Variants in FGR observed in about 807,000 individuals in gnomAD.
FGR encodes the protein tyrosine-protein kinase Fgr.
In FGR, 26 loss-of-function variants were observed where a neutral mutation model predicts 63.2. The ratio of observed to expected loss-of-function variants is 0.41; its 90% CI spans 0.30 to 0.57. FGR has a LOEUF of 0.57. Ranked by LOEUF, FGR falls within the 20% of genes least tolerant of loss-of-function variation. FGR has a pLI of 0.27. For missense variants in FGR, 511 were observed against 690.8 expected, an observed-to-expected ratio of 0.74 and a Z score of 2.92; for synonymous variants, 286 against 277.7, an observed-to-expected ratio of 1.03 and a Z score of -0.30.
rs1027470613 is a variant in FGR at position 27,629,074 on chromosome 1, AAGAG to A, written c.-76-3927_-76-3924del. Among the ~76,000 whole-genome samples the A allele has an allele frequency of 9.2e-5, 14 of 152,134 alleles. 1 individual carries two copies. Among genetic ancestry groups the A allele is most frequent in the South Asian group, 4.2e-4 (2 of 4,814 alleles). ...GACAGAAAAAGGAGAGGCAGAAAGA[AAGAG>A]AGAGAGAGGCAGAGTTTGAGAGATA... On this transcript the variant is annotated intron_variant, in intron 1 of 12. Coordinates refer to ENST00000374005, the MANE Select transcript of FGR (RefSeq NM_005248.3).
At chr1:27,614,655 G>A in intron 10 of FGR, 72 bp from the exon 11 acceptor site, 1 of 1,557,390 alleles carries the variant, frequency 6.4e-7, no homozygotes. Flanking sequence ...TGAGGGGTGA[G>A]GGACCATTTG....
intron 1 of FGR, among the ~76,000 whole-genome samples, chr1:27,632,119 G>GTTC (rs528582306): frequency 4.5e-4 from 66 of 147,262 alleles, no homozygotes; most frequent in Admixed American, 7.4e-4. Flanking sequence ...TTCTTTCTTT[G>GTTC]TTCTTCTTCT....
intron 11 of FGR, 146 bp downstream of exon 11, chr1:27,614,284 T>G: frequency 1.1e-6 from 1 of 942,368 alleles, no homozygotes; most frequent in Non-Finnish European, 1.5e-6. Context: ...CGACCTGGGA[T>G]TTGAGCCCAG....
rs767254922 is a variant in FGR, at chr1:27,621,664, G to A, written c.330-7C>T. On this transcript the variant is annotated splice_region_variant and splice_polypyrimidine_tract_variant and intron_variant, in intron 4 of 12. Coordinates refer to ENST00000374005, the MANE Select transcript of FGR (RefSeq NM_005248.3). Reference sequence around the variant, plus strand: ...CTCCCACCAGTCACCTTCACTGTAGGCACAGAACAGGGCATGGTCAGCAGC... The same window carrying A: ...CTCCCACCAGTCACCTTCACTGTAGACACAGAACAGGGCATGGTCAGCAGC... 9.9e-5 allele frequency: 160 copies of A among 1,609,402 alleles called. No individual in the cohort carries two copies. The highest frequency in any genetic ancestry group is 1.3e-4 in the Non-Finnish European group (156 of 1,175,922).
chr1:27,616,591 T>TC lies in FGR; in HGVS notation c.682+265dup, dbSNP rs901907082. Among the ~76,000 whole-genome samples the TC allele has an allele frequency of 6.6e-6, 1 of 152,164 alleles. No individual in the cohort carries two copies. Among genetic ancestry groups the TC allele is most frequent in the African/African-American group, 2.4e-5 (1 of 41,430 alleles). ...TGGGGCATTCAGGCGGCACAAACAC[T>TC]CCATCAAGTTTCCACAAATTGAGGC... On this transcript the variant is annotated intron_variant, in intron 7 of 12. Coordinates refer to ENST00000374005, the MANE Select transcript of FGR (RefSeq NM_005248.3). This position sits in a 1 kb window ranked among gnomAD's most constrained non-coding sequence, Gnocchi z 4.3.
intron 1 of FGR, among the ~76,000 whole-genome samples, chr1:27,625,398 A>T (rs932310689): frequency 1.3e-5 from 2 of 152,086 alleles, no homozygotes; most frequent in Non-Finnish European, 1.5e-5. Flanking sequence ...GTCACACAAT[A>T]ACACTCACAG....
At chr1:27,614,398 G>A in intron 11 of FGR, 32 bp downstream of exon 11, 1 of 1,600,304 alleles carries the variant, frequency 6.2e-7, no homozygotes, top group Non-Finnish European at 8.5e-7. Flanking sequence ...GTTGCATGGG[G>A]AGCTCTTGGA....
intron 1 of FGR, among the ~76,000 whole-genome samples, chr1:27,630,441 G>A (rs937106022): frequency 4.6e-5 from 7 of 151,998 alleles, no homozygotes; most frequent in Admixed American, 1.3e-4. Flanking sequence ...CTTCCAATGC[G>A]GCCCAGGGAA....
chr1:27,631,130 C>G (rs1391657353), intron 1 of FGR, among the ~76,000 whole-genome samples: 2 of 152,228 alleles, frequency 1.3e-5, no homozygotes, highest in Non-Finnish European at 2.9e-5. Context: ...CAGGATCACA[C>G]AGCCAGACAA....
Position 27,612,867 on chromosome 1 carries a change from G to A in FGR, c.*47C>T. On this transcript the variant is annotated 3_prime_UTR_variant, in exon 13 of 13. Coordinates refer to ENST00000374005, the MANE Select transcript of FGR (RefSeq NM_005248.3). The stretch of plus-strand genomic sequence containing the variant: ...CTTTGGAAGAACAGCTCTGGGGATT[G>A]GCAAGGACTGGTGGCCACCGCCAGA... 6.4e-7 allele frequency: 1 copy of A among 1,555,842 alleles called. No homozygotes were observed. The highest frequency in any genetic ancestry group is 1.4e-5 in the African/African-American group (1 of 74,006).
At position 27,612,997 on chromosome 1, in the gene FGR, G is replaced by T. The variant is rs200096273; in HGVS notation, c.1507C>A (p.Pro503Thr). The T allele has an allele frequency of 6.2e-7, 1 of 1,614,228 alleles. No individual in the cohort carries two copies. The highest frequency in any genetic ancestry group is 8.5e-7 in the Non-Finnish European group (1 of 1,180,036). ...AAGGACTGCAGGTACTCGAAGGTAG[G>T]CCTCTCCTCCGGGTCCAGACGCCAG... ...QTWRLDPEERPTFEYLQSFLE... is the reference protein window; with the variant it reads ...QTWRLDPEERTTFEYLQSFLE... The change falls in exon 13 of 13, where the codon CCT becomes ACT. Residue 503 changes from proline to threonine, a missense_variant. Coordinates refer to ENST00000374005, the MANE Select transcript of FGR (RefSeq NM_005248.3).
intron 1 of FGR, among the ~76,000 whole-genome samples, chr1:27,625,389 T>A (rs774143949): frequency 1.3e-5 from 2 of 152,068 alleles, no homozygotes; most frequent in Non-Finnish European, 2.9e-5. Context: ...ACCAGCACAG[T>A]CACACAATAA....
Position 27,615,911 on chromosome 1 carries a change from T to C in FGR, c.683-67A>G, listed in dbSNP as rs985572371. The C allele has an allele frequency of 2.1e-6, 3 of 1,455,036 alleles. No homozygotes were observed. The highest frequency in any genetic ancestry group is 2.8e-5 in the South Asian group (2 of 72,342). 90.1% of individuals were successfully genotyped at this position (1,455,036 alleles called of 1,614,324 possible). ...ACACCCCCCTCCACTCCTTATCCTA[T>C]CCCAGCCTGGTGCCAGACCCTAAGA... On this transcript the variant is annotated intron_variant, in intron 7 of 12. Transcript: ENST00000374005. The surrounding 1 kb of genome is among the most constrained non-coding windows in gnomAD (Gnocchi z 7.6).
chr1:27,626,818 G>A (rs1444075656), intron 1 of FGR, among the ~76,000 whole-genome samples: 3 of 152,066 alleles, frequency 2.0e-5, no homozygotes, highest in Non-Finnish European at 4.4e-5. Flanking sequence ...AGCCATCCAG[G>A]GCCCAGCGGG....
rs1270555923 is a variant in FGR, at chr1:27,615,919, T to G, written c.683-75A>C. On this transcript the variant is annotated intron_variant, in intron 7 of 12. Coordinates refer to ENST00000374005, the MANE Select transcript of FGR (RefSeq NM_005248.3). The surrounding 1 kb of genome is among the most constrained non-coding windows in gnomAD (Gnocchi z 7.6). ...CTCCACTCCTTATCCTATCCCAGCC[T>G]GGTGCCAGACCCTAAGATCAGTTAT... is the stretch of plus-strand genomic sequence containing the variant. The G allele has an allele frequency of 2.8e-6, 4 of 1,438,816 alleles. No individual in the cohort carries two copies. Among genetic ancestry groups the G allele is most frequent in the Non-Finnish European group, 2.8e-6 (3 of 1,075,346 alleles). The allele number at this position is 1,438,816 out of a possible 1,614,324, so 89.1% of individuals were successfully genotyped here. A position where few individuals can be genotyped will look rare whatever the true frequency, so the allele number is the denominator to read the frequency against.
chr1:27,618,058 G>A (rs757210568), intron 5 of FGR, among the ~76,000 whole-genome samples: 1 of 152,152 alleles, frequency 6.6e-6, no homozygotes, highest in Admixed American at 6.6e-5. Context: ...TTGAATTAAA[G>A]GAGCCTCGTG....
chr1:27,613,673 G>C (rs1328021644), intron 11 of FGR, among the ~76,000 whole-genome samples: 7 of 146,262 alleles, frequency 4.8e-5, no homozygotes, highest in Non-Finnish European at 1.0e-4. Context: ...CTTCAGCCTG[G>C]GTGACAGTGA....
Position 27,617,324 on chromosome 1 carries a change from G to T in FGR, c.429-28C>A. ...GTTGGGAAAGGCAGGCAAGAGTCAG[G>T]TACGCTCTGCTCAAACCTCACCTCA... On this transcript the variant is annotated intron_variant, in intron 5 of 12. Coordinates refer to ENST00000374005, the MANE Select transcript of FGR (RefSeq NM_005248.3). This position sits in a 1 kb window ranked among gnomAD's most constrained non-coding sequence, Gnocchi z 4.5. 6.4e-7 allele frequency: 1 copy of T among 1,554,114 alleles called. No individual in the cohort carries two copies. Among genetic ancestry groups the T allele is most frequent in the Non-Finnish European group, 8.9e-7 (1 of 1,125,992 alleles).
intron 1 of FGR, among the ~76,000 whole-genome samples, chr1:27,629,135 A>C (rs2090068581): frequency 6.6e-6 from 1 of 152,160 alleles, no homozygotes; most frequent in African/African-American, 2.4e-5. Context: ...CCAGAGAGAC[A>C]GAAAGACAGA....
Sources: allele counts gnomAD v4.1 joint callset (sites outside exome capture counted in the v4.1 genomes callset), GRCh38; gene constraint gnomAD v4.1.1; non-coding constraint Gnocchi (gnomAD v3.1); transcripts MANE v1.5; gene names NCBI Gene and HGNC (gene_info 2026-07-23, HGNC 2026-07-21).